MORC1: variants seen among roughly 807,000 people sequenced by gnomAD.
MORC1 encodes the protein MORC family CW-type zinc finger 1.
MORC1 carries 59 observed loss-of-function variants against 134.9 expected under a neutral mutation model. That is an observed-to-expected ratio of 0.44 (90% CI 0.35 to 0.54). The LOEUF (loss-of-function observed/expected upper bound fraction) is 0.54, where lower values mean the gene tolerates loss of function less well. Among genes scored for constraint, MORC1 ranks in the 20% least tolerant of loss-of-function variants. The pLI is 0.00. For synonymous variants in MORC1, 395 were observed against 391.7 expected, an observed-to-expected ratio of 1.01 and a Z score of -0.10; for missense variants, 947 against 1,134.5, an observed-to-expected ratio of 0.83 and a Z score of 2.37.
intron 18 of MORC1, 68 bp from the exon 19 acceptor site, chr3:109,005,383 C>T: frequency 7.2e-7 from 1 of 1,379,870 alleles, no homozygotes; most frequent in Non-Finnish European, 9.8e-7. Flanking sequence ...CACCACTTCT[C>T]TCATAACCTC....
chr3:109,103,769 G>T, intron 4 of MORC1, 80 bp downstream of exon 4: 1 of 1,319,940 alleles, frequency 7.6e-7, no homozygotes, highest in Non-Finnish European at 1.1e-6. Context: ...TTTTTGCATA[G>T]ATAGCTCAAT....
chr3:108,963,092 GCAGGAGGAATCACCTGAACC>G (rs552002060), intron 27 of MORC1, among the ~76,000 whole-genome samples: 1 of 151,734 alleles, frequency 6.6e-6, no homozygotes, highest in Admixed American at 6.6e-5. Flanking sequence ...GAAGGCTGAG[GCAGGAGGAATCACCTGAACC>G]CAGGAGGCGG....
rs35540961 is a variant in MORC1 at position 109,083,071 on chromosome 3, C to A, written c.689+10365G>T. Among the ~76,000 whole-genome samples, 271 of 152,044 alleles carry A rather than the reference C, an allele frequency of 1.8e-3. 6 individuals are homozygous for A. The highest frequency in any genetic ancestry group is 6.3e-3 in the African/African-American group (260 of 41,420). On this transcript the variant is annotated intron_variant, in intron 8 of 27. Transcript: ENST00000232603. Reference sequence around the variant, plus strand: ...AGTAACACATAAAGGAGCTCCAATTCGTCTAGCAATATACTTTTCAATGGA... The same window carrying A: ...AGTAACACATAAAGGAGCTCCAATTAGTCTAGCAATATACTTTTCAATGGA...
intron 24 of MORC1, among the ~76,000 whole-genome samples, chr3:108,974,447 T>A (rs1947491569): frequency 6.6e-6 from 1 of 152,198 alleles, no homozygotes; most frequent in Non-Finnish European, 1.5e-5. Flanking sequence ...TGAGGGTACA[T>A]CTTATCAAAC....
At chr3:109,064,889 C>T (rs1363704920) in intron 9 of MORC1, among the ~76,000 whole-genome samples, 1 of 151,998 alleles carries the variant, frequency 6.6e-6, no homozygotes, top group Non-Finnish European at 1.5e-5. Context: ...CTCCAGCCAC[C>T]ATTCCTCCTA....
chr3:109,094,987 A>G lies in MORC1; in HGVS notation c.505T>C (p.Ser169Pro). ...AATGGGGAGTATTTATAAATTATAG[A>G]TAATTCCATTGCAAATTTCTGGGGA... ...DDPQKFAMELSIIYKYSPFKT... is the reference protein window; with the variant it reads ...DDPQKFAMELPIIYKYSPFKT... Residue 169 changes from serine (S) to proline (P), a missense_variant, in exon 7 of 28, where the codon TCT (serine) becomes CCT (proline). Physicochemically the swap from Ser to Pro is moderately conservative, Grantham distance 74. Around this residue, in one of 3 missense-constraint regions of MORC1, gnomAD observed 214 missense variants for 281.3 expected, o/e 0.76. Transcript: ENST00000232603. 6.3e-7 allele frequency: 1 copy of G among 1,595,688 alleles called. No individual in the cohort carries two copies. The highest frequency in any genetic ancestry group is 8.5e-7 in the Non-Finnish European group (1 of 1,174,734).
At chr3:108,975,022 G>A (rs977317536) in intron 24 of MORC1, among the ~76,000 whole-genome samples, 10 of 152,126 alleles carry the variant, frequency 6.6e-5, no homozygotes, top group Non-Finnish European at 1.5e-4. Context: ...TCACTCCATA[G>A]TCATATTCCT....
intron 8 of MORC1, among the ~76,000 whole-genome samples, chr3:109,072,700 C>T (rs80062663): frequency 1.9e-4 from 29 of 152,182 alleles, no homozygotes; most frequent in African/African-American, 5.3e-4. Flanking sequence ...CATGCTAAAT[C>T]GTCAGGATAT....
At chr3:109,069,188 T>C (rs997263140) in intron 9 of MORC1, among the ~76,000 whole-genome samples, 3 of 152,130 alleles carry the variant, frequency 2.0e-5, no homozygotes, top group Admixed American at 6.6e-5. Flanking sequence ...AAAACATTTA[T>C]GTTAAAGTAA....
chr3:109,071,704 C>G (rs1950320510), intron 8 of MORC1, among the ~76,000 whole-genome samples: 3 of 152,276 alleles, frequency 2.0e-5, no homozygotes, highest in South Asian at 4.1e-4. Context: ...ATGTTTCCAT[C>G]TAGGATAGCT....
At chr3:109,016,918 G>A (rs904848968) in intron 17 of MORC1, among the ~76,000 whole-genome samples, 1 of 152,100 alleles carries the variant, frequency 6.6e-6, no homozygotes, top group African/African-American at 2.4e-5. Context: ...TCACACCTGT[G>A]TGCTGTATTT....
intron 24 of MORC1, 59 bp from the exon 25 acceptor site, chr3:108,971,461 A>G: frequency 7.0e-7 from 1 of 1,421,398 alleles, no homozygotes; most frequent in Non-Finnish European, 9.9e-7. Context: ...GTAGCACTCA[A>G]CTGTCAGAAC....
chr3:109,088,574 G>A (rs1162336131), intron 8 of MORC1, among the ~76,000 whole-genome samples: 1 of 152,136 alleles, frequency 6.6e-6, no homozygotes, highest in African/African-American at 2.4e-5. Context: ...AAATGTTGGA[G>A]AGGCTGCAGA....
chr3:109,084,085 T>G (rs1467877051), intron 8 of MORC1, among the ~76,000 whole-genome samples: 1 of 152,160 alleles, frequency 6.6e-6, no homozygotes, highest in Non-Finnish European at 1.5e-5. Flanking sequence ...AAGCCTTTCC[T>G]CTAAGATCTG....
At chr3:109,021,906 T>C (rs775717407) in intron 17 of MORC1, among the ~76,000 whole-genome samples, 14 of 152,216 alleles carry the variant, frequency 9.2e-5, no homozygotes, top group Admixed American at 2.0e-4. Flanking sequence ...AAGCAACAGA[T>C]GATACCTGCC....
intron 20 of MORC1, among the ~76,000 whole-genome samples, 191 bp downstream of exon 20, chr3:109,004,626 T>C (rs144520458): frequency 1.3e-5 from 2 of 152,336 alleles, no homozygotes; most frequent in East Asian, 3.9e-4. Context: ...TTTGTTAACA[T>C]GACTCTCAAC....
rs371967121 is a variant in MORC1, at chr3:108,986,962, C to T, written c.2188-13G>A. On this transcript the variant is annotated splice_polypyrimidine_tract_variant and intron_variant, in intron 21 of 27. Coordinates refer to ENST00000232603, the MANE Select transcript of MORC1 (RefSeq NM_014429.4). ...TTTTATCTGAAACCTGAAAAACAAGCTCTTTATTTAAAACTGTACAAAAAC... is the reference window on the plus strand; with the variant it reads ...TTTTATCTGAAACCTGAAAAACAAGTTCTTTATTTAAAACTGTACAAAAAC... The T allele has an allele frequency of 7.7e-6, 12 of 1,552,332 alleles. No homozygotes were observed. In the African/African-American group the frequency reaches 9.7e-5, roughly 13 times the overall value.
chr3:109,067,628 T>C (rs1237895619), intron 9 of MORC1, among the ~76,000 whole-genome samples: 1 of 152,224 alleles, frequency 6.6e-6, no homozygotes, highest in Non-Finnish European at 1.5e-5. Context: ...CTATATTGAT[T>C]GATCCAGGAG....
intron 24 of MORC1, among the ~76,000 whole-genome samples, chr3:108,975,442 T>C (rs1309968978): frequency 6.6e-6 from 1 of 152,170 alleles, no homozygotes; most frequent in Non-Finnish European, 1.5e-5. Flanking sequence ...TTATATTTTA[T>C]AGAGATGAAA....
Sources: allele counts gnomAD v4.1 joint callset (sites outside exome capture counted in the v4.1 genomes callset), GRCh38; gene constraint gnomAD v4.1.1; regional missense constraint gnomAD v4.1.1; transcripts MANE v1.5; gene names NCBI Gene and HGNC (gene_info 2026-07-23, HGNC 2026-07-21).